Variants in B3GALT1 observed in about 807,000 individuals in gnomAD.
B3GALT1 encodes beta-1,3-galactosyltransferase 1.
A neutral mutation model predicts 23.2 loss-of-function variants in B3GALT1; 10 were observed. The ratio of observed to expected loss-of-function variants is 0.43; its 90% CI spans 0.27 to 0.73. The LOEUF is 0.73. Among genes scored for constraint, B3GALT1 ranks in the 30% least tolerant of loss-of-function variants. The pLI is 0.21. For missense variants in B3GALT1, 299 were observed against 405.4 expected (o/e 0.74, Z 2.25); for synonymous variants, 156 against 141.5 (o/e 1.10, Z -0.73).
chr2:167,511,976 G>A lies in B3GALT1; in HGVS notation c.-410+21699G>A, dbSNP rs545066996. ...AAAGACAAAGTCCCTTCTCTCTTGG[G>A]GCTCACATTCTGACAACAGGAGATA... On this transcript the variant is annotated intron_variant, in intron 2 of 4. Coordinates refer to ENST00000392690, the MANE Select transcript of B3GALT1 (RefSeq NM_020981.4). Among the ~76,000 whole-genome samples the A allele has an allele frequency of 4.6e-5, 7 of 152,118 alleles. No homozygotes were observed. In the South Asian group the frequency reaches 1.5e-3, roughly 32 times the overall value.
At chr2:167,608,550 A>G (rs907897243) in intron 2 of B3GALT1, among the ~76,000 whole-genome samples, 1 of 141,228 alleles carries the variant, frequency 7.1e-6, no homozygotes, top group Admixed American at 6.8e-5. Flanking sequence ...GTTATATAAC[A>G]TATTTCTTTC....
At chr2:167,676,548 C>T (rs923993705) in intron 3 of B3GALT1, among the ~76,000 whole-genome samples, 54 of 139,708 alleles carry the variant, frequency 3.9e-4, no homozygotes, top group Admixed American at 2.6e-3. Context: ...CACACACACA[C>T]ACACACATAT....
At chr2:167,350,250 G>A (rs1390390376) in intron 1 of B3GALT1, among the ~76,000 whole-genome samples, 1 of 152,136 alleles carries the variant, frequency 6.6e-6, no homozygotes, top group African/African-American at 2.4e-5. Flanking sequence ...TTGAAGTACA[G>A]TTTGTTCATC....
Position 167,481,368 on chromosome 2 carries a change from T to C in B3GALT1, c.-510-8809T>C, listed in dbSNP as rs146511191. Among the ~76,000 whole-genome samples, 60 of 149,672 alleles carry C rather than the reference T, an allele frequency of 4.0e-4. No homozygotes were observed. The East Asian group carries it at 8.9e-3, about 22-fold the overall frequency. ...CCTGTATATTTATCTAAGTTTAGCT[T>C]ATCTCCATAAGCTAAAATAAAAACA... On this transcript the variant is annotated intron_variant, in intron 1 of 4. Coordinates refer to ENST00000392690, the MANE Select transcript of B3GALT1 (RefSeq NM_020981.4).
chr2:167,506,330 A>G (rs772134537), intron 2 of B3GALT1, among the ~76,000 whole-genome samples: 5 of 152,176 alleles, frequency 3.3e-5, no homozygotes, highest in Non-Finnish European at 7.3e-5. Context: ...TATCTGTTCA[A>G]TGAATGAATG....
chr2:167,626,005 A>G (rs1459285503), intron 2 of B3GALT1, among the ~76,000 whole-genome samples: 1 of 145,326 alleles, frequency 6.9e-6, no homozygotes, highest in Non-Finnish European at 1.5e-5. Flanking sequence ...CCACAGCAAT[A>G]TTTGCTGAAA....
chr2:167,449,304 C>A (rs1406947832), intron 1 of B3GALT1, among the ~76,000 whole-genome samples: 1 of 152,086 alleles, frequency 6.6e-6, no homozygotes. Context: ...AGGTCCTTCA[C>A]TTCCTTGGTT....
chr2:167,405,727 C>G (rs559264558), intron 1 of B3GALT1, among the ~76,000 whole-genome samples: 1 of 152,006 alleles, frequency 6.6e-6, no homozygotes, highest in African/African-American at 2.4e-5. Context: ...AAATATAGTA[C>G]ATGGTTTTAT....
At chr2:167,323,492 T>C (rs568589771) in intron 1 of B3GALT1, among the ~76,000 whole-genome samples, 1 of 152,196 alleles carries the variant, frequency 6.6e-6, no homozygotes, top group East Asian at 1.9e-4. Context: ...AACTCAATAA[T>C]GGAGCAAGAT....
intron 3 of B3GALT1, among the ~76,000 whole-genome samples, chr2:167,651,937 G>A (rs1478779903): frequency 2.0e-5 from 3 of 152,044 alleles, no homozygotes; most frequent in African/African-American, 4.8e-5. Flanking sequence ...CTGCCAAAGG[G>A]AGTAGAAAAA....
chr2:167,362,278 A>T (rs756767994), intron 1 of B3GALT1, among the ~76,000 whole-genome samples: 2 of 152,228 alleles, frequency 1.3e-5, no homozygotes, highest in Non-Finnish European at 2.9e-5. Context: ...TGATACATCA[A>T]AATATAAATG....
intron 3 of B3GALT1, among the ~76,000 whole-genome samples, chr2:167,723,086 G>A (rs1202325402): frequency 6.6e-6 from 1 of 152,160 alleles, no homozygotes; most frequent in Non-Finnish European, 1.5e-5. Flanking sequence ...AGTGTCAGCA[G>A]TCACTATTTT....
At chr2:167,538,167 T>C (rs1476363729) in intron 2 of B3GALT1, among the ~76,000 whole-genome samples, 1 of 152,076 alleles carries the variant, frequency 6.6e-6, no homozygotes, top group Non-Finnish European at 1.5e-5. Context: ...GCGTATTACT[T>C]TGTGGTGGCT....
intron 3 of B3GALT1, among the ~76,000 whole-genome samples, chr2:167,747,242 T>C (rs748951534): frequency 6.6e-5 from 10 of 152,226 alleles, no homozygotes; most frequent in Non-Finnish European, 1.3e-4. Context: ...GTTGGAAGGC[T>C]GTCTGACCCT....
chr2:167,396,218 C>T (rs1698092208), intron 1 of B3GALT1, among the ~76,000 whole-genome samples: 1 of 152,110 alleles, frequency 6.6e-6, no homozygotes, highest in Non-Finnish European at 1.5e-5. Flanking sequence ...TTGAATTTCT[C>T]ATGGGAAACC....
In B3GALT1 at chr2:167,840,058, C is replaced by T. The variant is rs879384957; in HGVS notation, c.-230+21265C>T. 4.9e-3 allele frequency among the ~76,000 whole-genome samples: 741 copies of T among 152,320 alleles called. 6 individuals are homozygous for T. The highest frequency in any genetic ancestry group is 0.017 in the African/African-American group (701 of 41,548). ...ATGGATTAAAGACTTCAATGTTAGA[C>T]CTAAAACCATAAAAACCCTAGAAGA... On this transcript the variant is annotated intron_variant, in intron 4 of 4. Transcript: ENST00000392690.
At chr2:167,717,446 A>C (rs1433223720) in intron 3 of B3GALT1, among the ~76,000 whole-genome samples, 1 of 151,610 alleles carries the variant, frequency 6.6e-6, no homozygotes, top group African/African-American at 2.4e-5. Context: ...CCCCTACTAT[A>C]CATGTTTTAT....
chr2:167,661,309 G>A (rs574175258), intron 3 of B3GALT1, among the ~76,000 whole-genome samples: 1 of 152,104 alleles, frequency 6.6e-6, no homozygotes, highest in South Asian at 2.1e-4. Flanking sequence ...TATATACTAT[G>A]GTAGGTGCTG....
At chr2:167,665,823 T>A (rs1388719756) in intron 3 of B3GALT1, among the ~76,000 whole-genome samples, 1 of 152,188 alleles carries the variant, frequency 6.6e-6, no homozygotes, top group Non-Finnish European at 1.5e-5. Context: ...TCTTTATCAT[T>A]TTTATTGTGT....
Sources: allele counts gnomAD v4.1 joint callset (sites outside exome capture counted in the v4.1 genomes callset), GRCh38; gene constraint gnomAD v4.1.1; transcripts MANE v1.5; gene names NCBI Gene and HGNC (gene_info 2026-07-23, HGNC 2026-07-21).